CUL4B: variants seen among roughly 807,000 people sequenced by gnomAD.
The protein encoded by CUL4B is cullin 4B.
CUL4B carries 1 observed loss-of-function variant against 69.2 expected under a neutral mutation model. The observed-to-expected ratio is 0.01, with a 90% CI of 0.01 to 0.07. The LOEUF is 0.07. Among genes scored for constraint, CUL4B ranks in the 10% least tolerant of loss-of-function variants. The pLI is 1.00. For synonymous variants in CUL4B, 237 were observed against 223.2 expected, an observed-to-expected ratio of 1.06 and a Z score of -0.55; for missense variants, 328 against 638.8, an observed-to-expected ratio of 0.51 and a Z score of 5.24.
At chrX:120,538,834 A>T (rs1923818615) in intron 12 of CUL4B, 64 bp from the exon 13 acceptor site, 2 of 710,864 alleles carry the variant, frequency 2.8e-6, no homozygotes, top group African/African-American at 2.1e-5. Context: ...AACTGCTTTA[A>T]AGTGCTTTAA....
chrX:120,563,119 CCTG>C (rs1925387874), upstream of CUL4B, among the ~76,000 whole-genome samples: 3 of 112,556 alleles, frequency 2.7e-5, no homozygotes, highest in South Asian at 1.1e-3. Context: ...TTGATGACAG[CCTG>C]CTGAAAGCAA....
chrX:120,527,881 G>A (rs747377842), intron 19 of CUL4B, among the ~76,000 whole-genome samples: 9 of 111,707 alleles, frequency 8.1e-5, no homozygotes, highest in Non-Finnish European at 1.5e-4. Context: ...ATATTGTTAC[G>A]GAATACTTTC....
chrX:120,534,427 G>C, intron 17 of CUL4B, 54 bp downstream of exon 17: 10 of 796,594 alleles, frequency 1.3e-5, no homozygotes, highest in Non-Finnish European at 1.7e-5. Flanking sequence ...ATGTCCCCCA[G>C]ACCTCTTAAC....
chrX:120,554,564 C>T (rs1435182869), intron 2 of CUL4B, among the ~76,000 whole-genome samples: 2 of 112,379 alleles, frequency 1.8e-5, no homozygotes, highest in African/African-American at 3.2e-5. Flanking sequence ...GTACTTAGAA[C>T]AGCATGTTCT....
rs61759504 is a variant in CUL4B, at chrX:120,560,385, A to G, written c.254T>C (p.Leu85Pro). 35 of 1,207,730 alleles carry G rather than the reference A, an allele frequency of 2.9e-5. No homozygotes were observed. The highest frequency in any genetic ancestry group is 3.8e-5 in the Non-Finnish European group (34 of 893,061). ...SASPSTSSFC[L>P]GVSVAASSHV... ...GCTGGAAGCAGCCACTGAAACCCCC[A>G]GGCAGAAGGACGAGGTTGAAGGGGA... The change falls in exon 1 of 20, where the codon CTG becomes CCG. Residue 85 changes from leucine (L) to proline (P), a missense_variant. Leu to Pro is a moderately conservative substitution (Grantham distance 98, BLOSUM62 -3). Coordinates refer to ENST00000371322, the MANE Select transcript of CUL4B (RefSeq NM_001079872.2).
rs1188225383 is a variant in CUL4B at position 120,560,857 on chromosome X, G to C, written c.-219C>G. 1.3e-6 allele frequency: 1 copy of C among 750,413 alleles called. No individual in the cohort carries two copies. Among genetic ancestry groups the C allele is most frequent in the African/African-American group, 2.4e-5 (1 of 42,485 alleles). 61.8% of individuals were successfully genotyped at this position (750,413 alleles called of 1,213,427 possible). ...TGACACCAGGAGTGAGCAGAACGAGGGGGGAGAGCGAATGAGGAGGCAGAC... is the reference window on the plus strand; with the variant it reads ...TGACACCAGGAGTGAGCAGAACGAGCGGGGAGAGCGAATGAGGAGGCAGAC... On this transcript the variant is annotated 5_prime_UTR_variant, in exon 1 of 20. Transcript: ENST00000371322.
At chrX:120,545,785 G>A (rs1250839722) in intron 4 of CUL4B, among the ~76,000 whole-genome samples, 1 of 97,355 alleles carries the variant, frequency 1.0e-5, no homozygotes, top group Non-Finnish European at 2.0e-5. Context: ...TCAAGGGGAC[G>A]CTCATATAAT....
At chrX:120,563,094 C>T (rs998434190), upstream of CUL4B, among the ~76,000 whole-genome samples, 7 of 112,416 alleles carry the variant, frequency 6.2e-5, no homozygotes, top group African/African-American at 2.3e-4. Flanking sequence ...CATTATTAGA[C>T]AATATCATTG....
intron 2 of CUL4B, among the ~76,000 whole-genome samples, chrX:120,551,104 C>T (rs754548912): frequency 8.9e-6 from 1 of 111,815 alleles, no homozygotes; most frequent in African/African-American, 3.2e-5. Flanking sequence ...TAAATACTTG[C>T]CTTCCCCAAT....
chrX:120,570,558 G>A (rs982328560), downstream of CUL4B, among the ~76,000 whole-genome samples: 2 of 112,170 alleles, frequency 1.8e-5, no homozygotes, highest in Admixed American at 1.9e-4. Context: ...CCTTGCATTT[G>A]AATATACTAA....
intron 14 of CUL4B, among the ~76,000 whole-genome samples, chrX:120,537,839 T>C (rs1351992883): frequency 1.8e-5 from 2 of 111,979 alleles, no homozygotes; most frequent in Admixed American, 9.5e-5. Context: ...AACGATAAGA[T>C]GCTGAGGAAA....
chrX:120,536,059 G>T, intron 15 of CUL4B, 116 bp from the exon 16 acceptor site: 1 of 519,632 alleles, frequency 1.9e-6, no homozygotes, highest in Non-Finnish European at 3.4e-6. Context: ...ATATCCAGTA[G>T]GTCCACCAAT....
intron 2 of CUL4B, among the ~76,000 whole-genome samples, chrX:120,556,264 G>A (rs1444667556): frequency 9.0e-6 from 1 of 111,648 alleles, no homozygotes; most frequent in Non-Finnish European, 1.9e-5. Flanking sequence ...TGCTTATAAT[G>A]TTACACGGCA....
At chrX:120,535,417 T>C (rs1213440907) in intron 16 of CUL4B, among the ~76,000 whole-genome samples, 2 of 109,643 alleles carry the variant, frequency 1.8e-5, no homozygotes, top group African/African-American at 6.6e-5. Flanking sequence ...AACAACAGCT[T>C]AAACTGGCCA....
intron 2 of CUL4B, among the ~76,000 whole-genome samples, chrX:120,550,384 T>C (rs1334775345): frequency 9.0e-6 from 1 of 111,537 alleles, no homozygotes; most frequent in African/African-American, 3.3e-5. Flanking sequence ...GGGCTTCTAG[T>C]ATGAGAAAAG....
chrX:120,572,656 T>C (rs745386257), intron 2 of CUL4B, among the ~76,000 whole-genome samples: 1 of 110,853 alleles, frequency 9.0e-6, no homozygotes, highest in East Asian at 2.8e-4. Context: ...TTTTGCTTTT[T>C]TTAAAAAAAG....
Position 120,560,794 on chromosome X carries a change from C to A in CUL4B, c.-156G>T. 1.0e-6 allele frequency: 1 copy of A among 953,414 alleles called. No individual in the cohort carries two copies. Among genetic ancestry groups the A allele is most frequent in the Non-Finnish European group, 1.3e-6 (1 of 768,001 alleles). The allele number at this position is 953,414 out of a possible 1,213,427, so 78.6% of individuals were successfully genotyped here. A position where few individuals can be genotyped will look rare whatever the true frequency, so the allele number is the denominator to read the frequency against. ...AGAAGGAAAGTGAAGGGGGGGGCTACACCGGGGGAATGGGAGGGTTTGGGA... is the reference window on the plus strand; with the variant it reads ...AGAAGGAAAGTGAAGGGGGGGGCTAAACCGGGGGAATGGGAGGGTTTGGGA... On this transcript the variant is annotated 5_prime_UTR_variant, in exon 1 of 20. Coordinates refer to ENST00000371322, the MANE Select transcript of CUL4B (RefSeq NM_001079872.2).
intron 2 of CUL4B, 141 bp from the exon 3 acceptor site, chrX:120,547,380 A>C: frequency 4.1e-6 from 2 of 485,325 alleles, no homozygotes; most frequent in Non-Finnish European, 7.4e-6. Flanking sequence ...AGGTAAAACA[A>C]CAAAATATAT....
chrX:120,571,725 G>C lies in CUL4B; in HGVS notation c.*244C>G, dbSNP rs1007294106. 2.7e-5 allele frequency: 3 copies of C among 110,941 alleles called. No homozygotes were observed. The Middle Eastern group carries it at 0.014, about 509-fold the overall frequency. The allele number at this position is 110,941 out of a possible 1,213,427, so 9.1% of individuals were successfully genotyped here. Reference sequence around the variant, plus strand: ...AACAATTGGGGTTTAAACTGTGATGGTCCATTTATACACATATTTTTTCAA... The same window carrying C: ...AACAATTGGGGTTTAAACTGTGATGCTCCATTTATACACATATTTTTTCAA... On this transcript the variant is annotated 3_prime_UTR_variant, in exon 3 of 3. Coordinates refer to the CUL4B transcript ENST00000486604.
Sources: allele counts gnomAD v4.1 joint callset (sites outside exome capture counted in the v4.1 genomes callset), GRCh38; gene constraint gnomAD v4.1.1; transcripts MANE v1.5; gene names NCBI Gene and HGNC (gene_info 2026-07-23, HGNC 2026-07-21).